The following CD163L1 variants were observed in gnomAD, a reference collection of about 807,000 sequenced individuals.
The protein encoded by CD163L1 is scavenger receptor cysteine-rich type 1 protein M160.
In CD163L1, 124 loss-of-function variants were observed where a neutral mutation model predicts 165.4. That is an observed-to-expected ratio of 0.75 (90% CI 0.65 to 0.87). The LOEUF is 0.87. Ranked by LOEUF, CD163L1 falls within the 40% of genes least tolerant of loss-of-function variation. CD163L1 has a pLI of 0.00. For synonymous variants in CD163L1, 585 were observed against 662.2 expected, an observed-to-expected ratio of 0.88 and a Z score of 1.79; for missense variants, 1,525 against 1,799.9, an observed-to-expected ratio of 0.85 and a Z score of 2.76.
intron 8 of CD163L1, among the ~76,000 whole-genome samples, chr12:7,384,362 GA>G (rs1487843599): frequency 6.6e-6 from 1 of 152,022 alleles, no homozygotes; most frequent in African/African-American, 2.4e-5. Flanking sequence ...CAATGGCATA[GA>G]AAACTTATTT....
chr12:7,432,400 T>A lies in CD163L1; in HGVS notation c.766+16A>T. On this transcript the variant is annotated intron_variant, in intron 4 of 19. Transcript: ENST00000313599. The surrounding 1 kb of genome is among the most constrained non-coding windows in gnomAD (Gnocchi z 4.2). ...CAAATTGTTCCTTTCTTCTACATGA[T>A]GTCTTGGGTTCTTACCATAACAAGT... The A allele has an allele frequency of 6.4e-7, 1 of 1,568,920 alleles. No individual in the cohort carries two copies. Among genetic ancestry groups the A allele is most frequent in the Non-Finnish European group, 8.7e-7 (1 of 1,145,652 alleles).
Position 7,398,286 on chromosome 12 carries a change from C to A in CD163L1, c.1707G>T (p.Glu569Asp). The change falls in exon 7 of 20, where the codon GAG (glutamate) becomes GAT (aspartate). Residue 569 changes from glutamate to aspartate, a missense_variant. Physicochemically the swap from Glu to Asp is conservative, Grantham distance 45 (BLOSUM62 2). Coordinates refer to ENST00000313599, the MANE Select transcript of CD163L1 (RefSeq NM_174941.6). This position sits in a 1 kb window ranked among gnomAD's most constrained non-coding sequence, Gnocchi z 4.5. ...TACCTGAGCAGGTTACAATCACATC[C>A]TCTCTGTGTACACAATTATGCTTTC... ...GWGKHNCVHR[E>D]DVIVTCSGDA... 1 of 1,613,696 alleles carries A rather than the reference C, an allele frequency of 6.2e-7. No individual in the cohort carries two copies. The highest frequency in any genetic ancestry group is 1.1e-5 in the South Asian group (1 of 90,948).
At chr12:7,439,796 G>C in intron 2 of CD163L1, 2 of 1,613,736 alleles carry the variant, frequency 1.2e-6, no homozygotes, top group Admixed American at 1.7e-5. Flanking sequence ...TTTATGTCCA[G>C]GATCTTCTCC....
In CD163L1 at chr12:7,368,788, C is replaced by T; in HGVS notation, c.4072+145G>A. On this transcript the variant is annotated intron_variant, in intron 16 of 19. Coordinates refer to ENST00000313599, the MANE Select transcript of CD163L1 (RefSeq NM_174941.6). The surrounding 1 kb of genome is among the most constrained non-coding windows in gnomAD (Gnocchi z 4.3). ...ACTGCATAGCAAAGCAGTCACAGAG[C>T]TATTGATACCACTGGCTGCGACCCA... 1.2e-6 allele frequency: 1 copy of T among 821,638 alleles called. No individual in the cohort carries two copies. The highest frequency in any genetic ancestry group is 2.0e-6 in the Non-Finnish European group (1 of 490,812). 50.9% of individuals were successfully genotyped at this position (821,638 alleles called of 1,614,324 possible).
At chr12:7,353,017 C>T (rs774773701), downstream of CD163L1, among the ~76,000 whole-genome samples, 1 of 152,010 alleles carries the variant, frequency 6.6e-6, no homozygotes, top group African/African-American at 2.4e-5. Context: ...TAGAGAAAGA[C>T]TTCAAAGCAG....
At chr12:7,342,526 A>C (rs952447015), downstream of CD163L1, among the ~76,000 whole-genome samples, 2 of 152,076 alleles carry the variant, frequency 1.3e-5, no homozygotes, top group African/African-American at 4.8e-5. Context: ...CTGATTTCCC[A>C]CTCCACACCT....
downstream of CD163L1, among the ~76,000 whole-genome samples, chr12:7,345,067 T>G (rs376869735): frequency 1.3e-5 from 2 of 152,114 alleles, no homozygotes; most frequent in Admixed American, 6.5e-5. Context: ...ACTCCCTTCT[T>G]GTTATGCAAG....
At chr12:7,403,490 T>G (rs1947952070) in intron 6 of CD163L1, 45 bp downstream of exon 6, 1 of 1,531,056 alleles carries the variant, frequency 6.5e-7, no homozygotes, top group African/African-American at 1.4e-5. Context: ...ACAGATTATT[T>G]CTAAAAATTC....
At chr12:7,356,027 C>T (rs1258104149) in intron 19 of CD163L1, among the ~76,000 whole-genome samples, 1 of 152,156 alleles carries the variant, frequency 6.6e-6, no homozygotes, top group East Asian at 1.9e-4. Flanking sequence ...TAATATAGAA[C>T]CCTAATTTCA....
chr12:7,433,846 A>C, intron 2 of CD163L1, 152 bp from the exon 3 acceptor site: 1 of 591,606 alleles, frequency 1.7e-6, no homozygotes, highest in Non-Finnish European at 2.8e-6. Flanking sequence ...ATTTGAAGTG[A>C]GAAGCTTTAA....
intron 18 of CD163L1, among the ~76,000 whole-genome samples, chr12:7,364,744 G>A (rs1017193141): frequency 2.6e-5 from 4 of 151,906 alleles, no homozygotes; most frequent in African/African-American, 9.7e-5. Context: ...AGTGAAAGAT[G>A]TATACAAAGA....
the CD163L1 span, among the ~76,000 whole-genome samples, chr12:7,329,592 A>C: frequency 2.0e-5 from 3 of 151,978 alleles, no homozygotes; most frequent in African/African-American, 7.2e-5. Context: ...AAACCACAAG[A>C]CTGCAGTTGT....
intron 1 of CD163L1, among the ~76,000 whole-genome samples, chr12:7,441,838 C>T (rs1460411143): frequency 6.6e-6 from 1 of 152,308 alleles, no homozygotes; most frequent in East Asian, 1.9e-4. Flanking sequence ...ATCCACTTTT[C>T]TTCAGGGTCA....
At chr12:7,337,410 A>AATCT in the CD163L1 span, among the ~76,000 whole-genome samples, 1 of 152,210 alleles carries the variant, frequency 6.6e-6, no homozygotes, top group Non-Finnish European at 1.5e-5. Context: ...AAATTTTTGC[A>AATCT]ATCTATCCAT....
chr12:7,330,636 G>C, the CD163L1 span, among the ~76,000 whole-genome samples: 1 of 152,134 alleles, frequency 6.6e-6, no homozygotes, highest in Non-Finnish European at 1.5e-5. Flanking sequence ...TTAGAGAAAG[G>C]GTTCCTCATC....
In CD163L1 at chr12:7,368,777, C is replaced by T. The variant is rs1231272553; in HGVS notation, c.4072+156G>A. ...TAGAGAGAAGGACTGCATAGCAAAG[C>T]AGTCACAGAGCTATTGATACCACTG... On this transcript the variant is annotated intron_variant, in intron 16 of 19. Coordinates refer to ENST00000313599, the MANE Select transcript of CD163L1 (RefSeq NM_174941.6). This position sits in a 1 kb window ranked among gnomAD's most constrained non-coding sequence, Gnocchi z 4.3. 2.7e-6 allele frequency: 2 copies of T among 738,502 alleles called. No homozygotes were observed. The highest frequency in any genetic ancestry group is 2.2e-5 in the Admixed American group (1 of 46,464). The allele number at this position is 738,502 out of a possible 1,614,324, so 45.7% of individuals were successfully genotyped here.
chr12:7,406,623 G>A lies in CD163L1; in HGVS notation c.996C>T (p.Ser332=), dbSNP rs143012538. 6.4e-5 allele frequency: 103 copies of A among 1,614,046 alleles called. No individual in the cohort carries two copies. Among genetic ancestry groups the A allele is most frequent in the East Asian group, 1.1e-4 (5 of 44,868 alleles). The change falls in exon 5 of 20, where the codon TCC becomes TCT. Residue 332 remains serine (S), a synonymous_variant. Coordinates refer to ENST00000313599, the MANE Select transcript of CD163L1 (RefSeq NM_174941.6). ...AGTCCCAAAGAAAAGATTCATTACC[G>A]GAGCAGGAGACACCATCAAGCCATA... The part of the protein sequence containing the change: ...DVVWLDGVSC[S]GNESFLWDCR...
Position 7,375,459 on chromosome 12 carries a change from G to C in CD163L1, c.2823C>G (p.Leu941=), listed in dbSNP as rs1370391775. The C allele has an allele frequency of 6.2e-7, 1 of 1,614,040 alleles. No homozygotes were observed. The highest frequency in any genetic ancestry group is 8.5e-7 in the Non-Finnish European group (1 of 1,180,034). ...TGGTTGAGAGAGCAGTCCCACAGCTGAGCTGTCTGCATAGAACACGGGCAT... is the reference window on the plus strand; with the variant it reads ...TGGTTGAGAGAGCAGTCCCACAGCTCAGCTGTCTGCATAGAACACGGGCAT... ...PEDARVLCRQ[L]SCGTALSTTG... Residue 941 remains leucine, a synonymous_variant, in exon 11 of 20, where the codon CTC becomes CTG. Coordinates refer to ENST00000313599, the MANE Select transcript of CD163L1 (RefSeq NM_174941.6).
chr12:7,356,997 G>A (rs780306163), intron 19 of CD163L1, among the ~76,000 whole-genome samples: 7 of 152,100 alleles, frequency 4.6e-5, no homozygotes, highest in Non-Finnish European at 8.8e-5. Flanking sequence ...ATTAATGCAC[G>A]GAATCTAGTC....
Sources: gnomAD v4.1 joint callset for allele counts (sites outside exome capture counted in the v4.1 genomes callset) on GRCh38, gnomAD v4.1.1 for gene constraint, Gnocchi (gnomAD v3.1) non-coding constraint, MANE v1.5 for transcripts, NCBI Gene and HGNC (gene_info 2026-07-23, HGNC 2026-07-21) for gene names.